Variants in SCN8A observed in about 807,000 individuals in gnomAD.
SCN8A encodes the protein sodium voltage-gated channel alpha subunit 8, also known as sodium channel protein type 8 subunit alpha.
A neutral mutation model predicts 184.1 loss-of-function variants in SCN8A; 30 were observed. The ratio of observed to expected loss-of-function variants is 0.16; its 90% CI spans 0.12 to 0.22. The LOEUF (loss-of-function observed/expected upper bound fraction) is 0.22. Among genes scored for constraint, SCN8A ranks in the 10% least tolerant of loss-of-function variants. The probability of loss-of-function intolerance (pLI) is 1.00; values close to 1 mark genes in which losing one functional copy is unlikely to be tolerated. For synonymous variants in SCN8A, 852 were observed against 907.0 expected (o/e 0.94, Z 1.09); for missense variants, 1,057 against 2,498.9 (o/e 0.42, Z 12.30).
In SCN8A at chr12:51,605,700, C is replaced by T. The variant is rs56084623; in HGVS notation, c.-55+14341C>T. 7.9e-3 allele frequency among the ~76,000 whole-genome samples: 1,205 copies of T among 152,280 alleles called. 11 individuals are homozygous for T. The highest frequency in any genetic ancestry group is 0.026 in the African/African-American group (1,079 of 41,550). On this transcript the variant is annotated intron_variant, in intron 1 of 26. Coordinates refer to ENST00000627620, the MANE Select transcript of SCN8A (RefSeq NM_001330260.2). ...TTTCCATAGCAGCTGTACTAGTTTA[C>T]GTTCCCACCAGCAATGTAGAAGTGT... is the stretch of plus-strand genomic sequence containing the variant.
At chr12:51,685,274 C>A (rs773930762) in intron 3 of SCN8A, among the ~76,000 whole-genome samples, 8 of 152,022 alleles carry the variant, frequency 5.3e-5, no homozygotes, top group Non-Finnish European at 8.8e-5. Flanking sequence ...ACAAATCCAG[C>A]TGTAATGAAG....
chr12:51,612,482 A>G (rs991208295), intron 1 of SCN8A, among the ~76,000 whole-genome samples: 5 of 152,164 alleles, frequency 3.3e-5, no homozygotes, highest in African/African-American at 1.2e-4. Context: ...TAGTACATTC[A>G]TTTTATCAGG....
chr12:51,798,961 C>T (rs1340956080), intron 26 of SCN8A, among the ~76,000 whole-genome samples: 1 of 152,240 alleles, frequency 6.6e-6, no homozygotes, highest in Non-Finnish European at 1.5e-5. Context: ...AGTGCACAGC[C>T]AGGTGCACTG....
chr12:51,788,848 T>C, intron 23 of SCN8A, 100 bp downstream of exon 23: 4 of 898,436 alleles, frequency 4.5e-6, no homozygotes, highest in Non-Finnish European at 1.7e-6. Context: ...GATGAAGGAA[T>C]GGAGGAGTTG....
At chr12:51,713,125 C>T (rs1941908855) in intron 11 of SCN8A, 2 of 1,222,788 alleles carry the variant, frequency 1.6e-6, no homozygotes, top group Admixed American at 3.4e-5. Context: ...TCCACTCTGC[C>T]TCTCTTGCAT....
At chr12:51,785,091 C>T (rs922720616) in intron 21 of SCN8A, among the ~76,000 whole-genome samples, 9 of 152,252 alleles carry the variant, frequency 5.9e-5, no homozygotes, top group Non-Finnish European at 1.0e-4. Flanking sequence ...GGATCATCCT[C>T]CTTTTGCCTG....
At chr12:51,611,073 C>T (rs1939709975) in intron 1 of SCN8A, among the ~76,000 whole-genome samples, 1 of 152,108 alleles carries the variant, frequency 6.6e-6, no homozygotes, top group Admixed American at 6.5e-5. Context: ...TCAAATATTC[C>T]AGTTAATCAA....
intron 1 of SCN8A, among the ~76,000 whole-genome samples, chr12:51,634,738 T>C (rs1253791654): frequency 6.6e-6 from 1 of 150,986 alleles, no homozygotes; most frequent in Non-Finnish European, 1.5e-5. Context: ...AACCTCCTCC[T>C]CCTGGGTTCA....
intron 3 of SCN8A, among the ~76,000 whole-genome samples, chr12:51,684,708 G>A (rs1941391981): frequency 6.6e-6 from 1 of 152,082 alleles, no homozygotes; most frequent in African/African-American, 2.4e-5. Context: ...AATCAGCTTT[G>A]AATTTTTAAA....
chr12:51,617,463 A>T (rs962467469), intron 1 of SCN8A, among the ~76,000 whole-genome samples: 4 of 152,136 alleles, frequency 2.6e-5, no homozygotes, highest in African/African-American at 4.8e-5. Flanking sequence ...CTTTTTTAAA[A>T]AAGTGTTCTA....
intron 1 of SCN8A, among the ~76,000 whole-genome samples, chr12:51,621,194 G>T (rs761128634): frequency 6.6e-6 from 1 of 152,180 alleles, no homozygotes; most frequent in Non-Finnish European, 1.5e-5. Context: ...GTGCTATATC[G>T]TTTGCTTTTT....
chr12:51,651,691 A>G (rs1222413913), intron 1 of SCN8A, among the ~76,000 whole-genome samples: 1 of 152,232 alleles, frequency 6.6e-6, no homozygotes, highest in Non-Finnish European at 1.5e-5. Flanking sequence ...AGTACAATTC[A>G]AGATGAGATT....
rs368998970 is a variant in SCN8A at position 51,652,833 on chromosome 12, C to T, written c.-54-9931C>T. The stretch of plus-strand genomic sequence containing the variant: ...CTGTTTTACTTTATTGGAAGATTTA[C>T]CATACTGTACTTTGCCTGTTTACCT... On this transcript the variant is annotated intron_variant, in intron 1 of 26. Coordinates refer to ENST00000627620, the MANE Select transcript of SCN8A (RefSeq NM_001330260.2). Among the ~76,000 whole-genome samples, 17 of 152,278 alleles carry T rather than the reference C, an allele frequency of 1.1e-4. No individual in the cohort carries two copies. In the East Asian group the frequency reaches 2.5e-3, roughly 22 times the overall value.
At position 51,810,480 on chromosome 12, in the gene SCN8A, C is replaced by T. The variant is rs368718631; in HGVS notation, c.*3051C>T. Reference sequence around the variant, plus strand: ...GTGGCAATGCTTTGCCAAATATTAACGAAGCCAATCAAAGAGCAGCGCAGC... The same window carrying T: ...GTGGCAATGCTTTGCCAAATATTAATGAAGCCAATCAAAGAGCAGCGCAGC... On this transcript the variant is annotated 3_prime_UTR_variant, in exon 27 of 27. Transcript: ENST00000627620. 14 of 441,050 alleles carry T rather than the reference C, an allele frequency of 3.2e-5. No individual in the cohort carries two copies. The highest frequency in any genetic ancestry group is 1.0e-4 in the Admixed American group (4 of 39,400). 27.3% of individuals were successfully genotyped at this position (441,050 alleles called of 1,614,324 possible).
At position 51,639,879 on chromosome 12, in the gene SCN8A, CTTTTTTTTTTTTTTTTTTTTTTT is replaced by C. The variant is rs71092712; in HGVS notation, c.-54-22869_-54-22847del. ...AGTATTTTTTGAATTAAGGTATATG[CTTTTTTTTTTTTTTTTTTTTTTT>C]TTTTTTTTTTTTTTTGAGATGGGGT... On this transcript the variant is annotated intron_variant, in intron 1 of 26. Coordinates refer to ENST00000627620, the MANE Select transcript of SCN8A (RefSeq NM_001330260.2). Among the ~76,000 whole-genome samples, 2 of 15,072 alleles carry C rather than the reference CTTTTTTTTTTTTTTTTTTTTTTT, an allele frequency of 1.3e-4. 1 individual carries two copies. Among genetic ancestry groups the C allele is most frequent in the African/African-American group, 5.5e-4 (2 of 3,638 alleles). The allele number at this position is 15,072 out of a possible 152,430, so 9.9% of individuals were successfully genotyped here. A position where few individuals can be genotyped will look rare whatever the true frequency, so the allele number is the denominator to read the frequency against.
At chr12:51,733,680 A>G (rs1049822675) in intron 12 of SCN8A, among the ~76,000 whole-genome samples, 14 of 152,210 alleles carry the variant, frequency 9.2e-5, no homozygotes, top group African/African-American at 3.4e-4. Flanking sequence ...AAAACTCAGC[A>G]GTGAAGCCAT....
chr12:51,687,267 G>A (rs757405125), intron 5 of SCN8A, 48 bp downstream of exon 5: 3 of 1,606,418 alleles, frequency 1.9e-6, no homozygotes, highest in African/African-American at 2.7e-5. Context: ...GATTCTGTGT[G>A]TGGAGTTGTA....
intron 1 of SCN8A, among the ~76,000 whole-genome samples, chr12:51,645,515 G>C (rs943019077): frequency 9.5e-4 from 145 of 152,220 alleles, no homozygotes; most frequent in Non-Finnish European, 1.7e-3. Flanking sequence ...GAATAGAAAG[G>C]GGGGAAAGGT....
At chr12:51,730,161 G>A (rs1246301870) in intron 12 of SCN8A, among the ~76,000 whole-genome samples, 1 of 151,902 alleles carries the variant, frequency 6.6e-6, no homozygotes, top group East Asian at 1.9e-4. Context: ...ACTTCTATAA[G>A]TTTTATGGTT....
Sources: gnomAD v4.1 joint callset for allele counts (sites outside exome capture counted in the v4.1 genomes callset) on GRCh38, gnomAD v4.1.1 for gene constraint, MANE v1.5 for transcripts, NCBI Gene and HGNC (gene_info 2026-07-23, HGNC 2026-07-21) for gene names.